Variants in AIG1 observed in about 807,000 individuals in gnomAD.
AIG1 encodes the protein androgen-induced gene 1 protein.
A neutral mutation model predicts 31.4 loss-of-function variants in AIG1; 23 were observed. The ratio of observed to expected loss-of-function variants is 0.73; its 90% CI spans 0.53 to 1.04. AIG1 has a LOEUF of 1.04. Among genes scored for constraint, AIG1 ranks in the 50% least tolerant of loss-of-function variants. The pLI is 0.00. For synonymous variants in AIG1, 100 were observed against 110.5 expected (o/e 0.90, Z 0.60); for missense variants, 274 against 295.0 (o/e 0.93, Z 0.52).
At chr6:143,074,799 T>A (rs1017497022) in intron 1 of AIG1, among the ~76,000 whole-genome samples, 1 of 152,244 alleles carries the variant, frequency 6.6e-6, no homozygotes, top group Non-Finnish European at 1.5e-5. Flanking sequence ...GCCTCTCAGT[T>A]CATGAGGAAC....
intron 2 of AIG1, among the ~76,000 whole-genome samples, chr6:143,154,557 G>T (rs2128551098): frequency 6.6e-6 from 1 of 152,262 alleles, no homozygotes; most frequent in Middle Eastern, 3.4e-3. Context: ...GAGTTTCTTT[G>T]TAATAACAGA....
At chr6:143,208,273 T>C (rs147272120) in intron 3 of AIG1, among the ~76,000 whole-genome samples, 132 of 152,314 alleles carry the variant, frequency 8.7e-4, no homozygotes, top group African/African-American at 3.1e-3. Flanking sequence ...CAACACTCTT[T>C]ATTAAATAAT....
intron 3 of AIG1, among the ~76,000 whole-genome samples, chr6:143,262,055 G>T (rs1012042150): frequency 2.6e-5 from 4 of 152,218 alleles, no homozygotes; most frequent in Non-Finnish European, 4.4e-5. Flanking sequence ...AGGTGCTGCT[G>T]CAAAGACGCT....
intron 3 of AIG1, among the ~76,000 whole-genome samples, chr6:143,249,419 G>T (rs1794848371): frequency 6.6e-6 from 1 of 152,180 alleles, no homozygotes; most frequent in East Asian, 1.9e-4. Flanking sequence ...CCTAGTAGGG[G>T]GATGCATGGA....
At chr6:143,254,662 T>A (rs189961627) in intron 3 of AIG1, among the ~76,000 whole-genome samples, 1 of 152,324 alleles carries the variant, frequency 6.6e-6, no homozygotes, top group Non-Finnish European at 1.5e-5. Flanking sequence ...GTGTTTATTA[T>A]TTTGTTTCCT....
intron 3 of AIG1, among the ~76,000 whole-genome samples, chr6:143,262,662 A>G (rs1795872760): frequency 6.6e-6 from 1 of 152,174 alleles, no homozygotes; most frequent in African/African-American, 2.4e-5. Flanking sequence ...AGGAGGCAAT[A>G]TGCATCAAAA....
Position 143,328,155 on chromosome 6 carries a change from G to C in AIG1, c.516-5127G>C, listed in dbSNP as rs947183773. On this transcript the variant is annotated intron_variant, in intron 4 of 5. Coordinates refer to ENST00000357847, the MANE Select transcript of AIG1 (RefSeq NM_016108.4). The surrounding 1 kb of genome is among the most constrained non-coding windows in gnomAD (Gnocchi z 4.0). ...AGCCAAGTGGTAGGAGGAAAACCAA[G>C]AGAAATTGATGTCAAAGAAACCAGT... Among the ~76,000 whole-genome samples, 3 of 152,192 alleles carry C rather than the reference G, an allele frequency of 2.0e-5. No homozygotes were observed. Among genetic ancestry groups the C allele is most frequent in the African/African-American group, 7.2e-5 (3 of 41,458 alleles).
At chr6:143,061,664 A>G (rs1202726441) in intron 1 of AIG1, 6 of 227,436 alleles carry the variant, frequency 2.6e-5, no homozygotes, top group African/African-American at 1.3e-4. Context: ...GGAGACAGAG[A>G]TGTTCAAAGT....
At chr6:143,134,781 G>A (rs1783586909) in intron 1 of AIG1, among the ~76,000 whole-genome samples, 1 of 151,930 alleles carries the variant, frequency 6.6e-6, no homozygotes, top group South Asian at 2.1e-4. Context: ...TGTTTTTCAT[G>A]TTCAGCACAA....
chr6:143,186,126 C>T (rs1478620815), intron 3 of AIG1, among the ~76,000 whole-genome samples: 1 of 152,222 alleles, frequency 6.6e-6, no homozygotes, highest in Non-Finnish European at 1.5e-5. Flanking sequence ...CATTCAGGGG[C>T]TGCCCTATCT....
At chr6:143,067,766 G>A (rs573379039) in intron 1 of AIG1, among the ~76,000 whole-genome samples, 1 of 152,144 alleles carries the variant, frequency 6.6e-6, no homozygotes, top group African/African-American at 2.4e-5. Context: ...AAGGCCAGTA[G>A]TTTATTGAGT....
At chr6:143,343,163 A>G, downstream of AIG1, 1 of 739,644 alleles carries the variant, frequency 1.4e-6, no homozygotes, top group Non-Finnish European at 2.5e-6. Flanking sequence ...TCACATTCAC[A>G]GCAGGAAATG....
chr6:143,150,581 G>A (rs1429222874), intron 2 of AIG1, among the ~76,000 whole-genome samples: 1 of 152,144 alleles, frequency 6.6e-6, no homozygotes, highest in East Asian at 1.9e-4. Context: ...TTGTGGCTGT[G>A]GCAGCTGGTT....
intron 1 of AIG1, among the ~76,000 whole-genome samples, chr6:143,132,574 A>G (rs180967773): frequency 4.6e-5 from 7 of 151,858 alleles, no homozygotes; most frequent in Admixed American, 2.0e-4. Flanking sequence ...TGTGTACTCC[A>G]CTGTTGAGCT....
At chr6:143,248,672 A>T (rs1437749670) in intron 3 of AIG1, among the ~76,000 whole-genome samples, 2 of 152,194 alleles carry the variant, frequency 1.3e-5, no homozygotes, top group Non-Finnish European at 2.9e-5. Context: ...AAGCTCTATG[A>T]GTTCCGTTAC....
At chr6:143,198,854 G>A (rs999032302) in intron 3 of AIG1, among the ~76,000 whole-genome samples, 4 of 152,204 alleles carry the variant, frequency 2.6e-5, no homozygotes, top group Non-Finnish European at 4.4e-5. Flanking sequence ...TCTAAGAAAC[G>A]TCGTCTGTAA....
intron 3 of AIG1, among the ~76,000 whole-genome samples, chr6:143,252,223 G>A (rs1169870293): frequency 3.3e-5 from 5 of 152,136 alleles, no homozygotes; most frequent in Admixed American, 6.5e-5. Context: ...ATGTTCAAGC[G>A]ATTCTCCCGC....
Position 143,283,984 on chromosome 6 carries a change from C to T in AIG1, c.400-126C>T, listed in dbSNP as rs1453770958. On this transcript the variant is annotated intron_variant, in intron 3 of 5. Coordinates refer to ENST00000357847, the MANE Select transcript of AIG1 (RefSeq NM_016108.4). ...ACGTCCATTCTACTTCTTTGGCGAG[C>T]CATAGACTTCTTTCTGCCTGACACT... is the stretch of plus-strand genomic sequence containing the variant. 3.4e-5 allele frequency: 20 copies of T among 583,668 alleles called. No individual in the cohort carries two copies. The East Asian group carries it at 5.3e-4, about 15-fold the overall frequency. The allele number at this position is 583,668 out of a possible 1,614,324, so 36.2% of individuals were successfully genotyped here.
chr6:143,271,249 A>G (rs1570350), intron 3 of AIG1, among the ~76,000 whole-genome samples: 89,707 of 152,092 alleles, frequency 0.59, 29,341 homozygotes, highest in East Asian at 0.87. Flanking sequence ...TAAGAAAAAC[A>G]TGTCATGACA....
Sources: gnomAD v4.1 joint callset for allele counts (sites outside exome capture counted in the v4.1 genomes callset) on GRCh38, gnomAD v4.1.1 for gene constraint, Gnocchi (gnomAD v3.1) non-coding constraint, MANE v1.5 for transcripts, NCBI Gene and HGNC (gene_info 2026-07-23, HGNC 2026-07-21) for gene names.